ELMOD2: variants seen among roughly 807,000 people sequenced by gnomAD.
The protein encoded by ELMOD2 is ELMO domain containing 2, also known as ELMO domain-containing protein 2.
ELMOD2 carries 28 observed loss-of-function variants against 41.0 expected under a neutral mutation model. The ratio of observed to expected loss-of-function variants is 0.68; its 90% CI spans 0.51 to 0.94. The LOEUF (loss-of-function observed/expected upper bound fraction) is 0.94. Ranked by LOEUF, ELMOD2 falls within the 40% of genes least tolerant of loss-of-function variation. The pLI is 0.00. For missense variants in ELMOD2, 333 were observed against 343.1 expected (o/e 0.97, Z 0.23); for synonymous variants, 106 against 107.2 (o/e 0.99, Z 0.07).
chr4:140,531,466 C>T (rs1296463823), intron 3 of ELMOD2, among the ~76,000 whole-genome samples: 1 of 152,176 alleles, frequency 6.6e-6, no homozygotes, highest in Non-Finnish European at 1.5e-5. Flanking sequence ...AGCAAAGCTC[C>T]ACTGTACTTA....
intron 3 of ELMOD2, 133 bp downstream of exon 3, chr4:140,527,627 A>G: frequency 1.5e-6 from 1 of 681,832 alleles, no homozygotes; most frequent in Non-Finnish European, 2.4e-6. Flanking sequence ...GTTTAGAGGT[A>G]ATATTCTGTT....
Position 140,552,472 on chromosome 4 carries a change from C to G in ELMOD2, c.*2097C>G, listed in dbSNP as rs1375898348. The stretch of plus-strand genomic sequence containing the variant: ...TTGATCTAAAAGCCACTAATAAATT[C>G]TAGGGTTTGAGTCTAGAAGCCAAGC... On this transcript the variant is annotated 3_prime_UTR_variant, in exon 9 of 9. Transcript: ENST00000323570. 1 of 151,952 alleles carries G rather than the reference C, an allele frequency of 6.6e-6. No individual in the cohort carries two copies. The highest frequency in any genetic ancestry group is 2.4e-5 in the African/African-American group (1 of 41,394). 9.4% of individuals were successfully genotyped at this position (151,952 alleles called of 1,614,324 possible).
At chr4:140,525,227 G>A in intron 1 of ELMOD2, 193 bp from the exon 2 acceptor site, 1 of 463,222 alleles carries the variant, frequency 2.2e-6, no homozygotes, top group Non-Finnish European at 3.7e-6. Flanking sequence ...TGATTAATTG[G>A]CCATTTGATC....
intron 2 of ELMOD2, chr4:140,526,905 G>A (rs1035832859): frequency 2.0e-5 from 3 of 152,210 alleles, no homozygotes; most frequent in South Asian, 2.1e-4. Flanking sequence ...AAGATTATTC[G>A]TAAATGTGCC....
rs549990477 is a variant in ELMOD2, at chr4:140,537,309, AAGCC to A, written c.270-100_270-97del. ...TTTGGTGGGTCTTATATTAAACTGA[AAGCC>A]AGGAAATGCTTTCTAAATAGACATA... On this transcript the variant is annotated intron_variant, in intron 4 of 8. Coordinates refer to ENST00000323570, the MANE Select transcript of ELMOD2 (RefSeq NM_153702.4). The A allele has an allele frequency of 2.6e-3, 2,829 of 1,076,250 alleles. 6 individuals carry two copies. Among genetic ancestry groups the A allele is most frequent in the Non-Finnish European group, 3.3e-3 (2,671 of 807,306 alleles). 66.7% of individuals were successfully genotyped at this position (1,076,250 alleles called of 1,614,324 possible).
At chr4:140,543,755 C>G (rs182554775) in intron 8 of ELMOD2, among the ~76,000 whole-genome samples, 169 bp downstream of exon 8, 1 of 151,908 alleles carries the variant, frequency 6.6e-6, no homozygotes, top group Non-Finnish European at 1.5e-5. Flanking sequence ...AGATGGGTCC[C>G]CAAGAGTATT....
At chr4:140,525,195 T>C (rs1323286765) in intron 1 of ELMOD2, 5 of 408,298 alleles carry the variant, frequency 1.2e-5, no homozygotes, top group Admixed American at 4.3e-5. Context: ...AGTACATTGT[T>C]TGAATTTTAG....
At chr4:140,527,792 C>G (rs1289044284) in intron 3 of ELMOD2, 2 of 320,542 alleles carry the variant, frequency 6.2e-6, no homozygotes, top group African/African-American at 2.2e-5. Context: ...GTCTTTTAGA[C>G]TGTGTCCTCA....
chr4:140,539,297 A>G (rs957180445), intron 5 of ELMOD2, among the ~76,000 whole-genome samples: 2 of 151,762 alleles, frequency 1.3e-5, no homozygotes, highest in African/African-American at 4.8e-5. Context: ...GAATTTAAAC[A>G]ATAAATTTTC....
intron 2 of ELMOD2, chr4:140,526,855 G>T (rs1407912636): frequency 6.6e-6 from 1 of 152,316 alleles, no homozygotes; most frequent in Non-Finnish European, 1.5e-5. Context: ...ATTTGTTTGT[G>T]GCAAAAGCAT....
At chr4:140,535,867 T>C in intron 4 of ELMOD2, 37 bp downstream of exon 4, 3 of 1,561,868 alleles carry the variant, frequency 1.9e-6, no homozygotes, top group Non-Finnish European at 8.7e-7. Flanking sequence ...TTATTATGCA[T>C]TTATAGCCTG....
chr4:140,542,265 A>T (rs1735129325), intron 6 of ELMOD2, among the ~76,000 whole-genome samples: 1 of 151,738 alleles, frequency 6.6e-6, no homozygotes, highest in South Asian at 2.1e-4. Context: ...ATAGAAATAG[A>T]ACCAGCAAAG....
Position 140,551,305 on chromosome 4 carries a change from T to TA in ELMOD2, c.*937dup, listed in dbSNP as rs929444547. ...TTGAAACTTAAGAAAGCTTAAGTTTTAAAAAAATCTCAGTTAAACATCATT... is the reference window on the plus strand; with the variant it reads ...TTGAAACTTAAGAAAGCTTAAGTTTTAAAAAAAATCTCAGTTAAACATCATT... On this transcript the variant is annotated 3_prime_UTR_variant, in exon 9 of 9. Transcript: ENST00000323570. 3.9e-5 allele frequency: 6 copies of TA among 152,090 alleles called. No individual in the cohort carries two copies. The highest frequency in any genetic ancestry group is 2.0e-4 in the Admixed American group (3 of 15,258). The allele number at this position is 152,090 out of a possible 1,614,324, so 9.4% of individuals were successfully genotyped here. A position where few individuals can be genotyped will look rare whatever the true frequency, so the allele number is the denominator to read the frequency against.
Position 140,525,455 on chromosome 4 carries a change from C to T in ELMOD2, c.27C>T (p.Phe9=). MFISLWEF[F]YGHFFRFWMK... is the part of the protein sequence containing the mutation. The stretch of plus-strand genomic sequence containing the variant: ...TGTTTATTTCTTTGTGGGAGTTCTT[C>T]TATGGGCACTTTTTTCGATTTTGGA... The change falls in exon 2 of 9, where the codon TTC becomes TTT. Residue 9 remains phenylalanine, a synonymous_variant. Coordinates refer to ENST00000323570, the MANE Select transcript of ELMOD2 (RefSeq NM_153702.4). 1 of 1,613,674 alleles carries T rather than the reference C, an allele frequency of 6.2e-7. No homozygotes were observed. Among genetic ancestry groups the T allele is most frequent in the Non-Finnish European group, 8.5e-7 (1 of 1,179,830 alleles).
chr4:140,550,243 T>G lies in ELMOD2; in HGVS notation c.750T>G (p.Tyr250Ter). Residue 250 changes from tyrosine (Y) to a stop codon, truncating the protein, a stop_gained, in exon 9 of 9, where the codon TAT (tyrosine) becomes TAG (stop). Coordinates refer to ENST00000323570, the MANE Select transcript of ELMOD2 (RefSeq NM_153702.4). LOFTEE classifies it high-confidence loss of function. Reference protein sequence around the residue: ...HFHQFYCYLVYEFDKFWFEEE... With the variant: ...HFHQFYCYLV ...CTTTAACTGCAGGTTATCTTGTCTA[T>G]GAATTTGACAAGTTTTGGTTTGAAG... The G allele has an allele frequency of 6.2e-7, 1 of 1,609,578 alleles. No individual in the cohort carries two copies. Among genetic ancestry groups the G allele is most frequent in the Non-Finnish European group, 8.5e-7 (1 of 1,177,680 alleles).
At chr4:140,529,477 G>T (rs1432812745) in intron 3 of ELMOD2, among the ~76,000 whole-genome samples, 1 of 152,142 alleles carries the variant, frequency 6.6e-6, no homozygotes, top group Non-Finnish European at 1.5e-5. Context: ...TTTTTCAGTA[G>T]TGTGTTCCTC....
chr4:140,550,287 T>C lies in ELMOD2; in HGVS notation c.794T>C (p.Met265Thr). 1.9e-6 allele frequency: 3 copies of C among 1,611,890 alleles called. No homozygotes were observed. The highest frequency in any genetic ancestry group is 2.5e-6 in the Non-Finnish European group (3 of 1,178,782). Reference protein sequence around the residue: ...FWFEEEPESIMYFNLYREKFH... With the variant: ...FWFEEEPESITYFNLYREKFH... ...TTTGAAGAAGAACCAGAAAGCATTA[T>C]GTATTTCAATTTGTATAGAGAGAAG... Residue 265 changes from methionine to threonine, a missense_variant, in exon 9 of 9, where the codon ATG becomes ACG. Met to Thr is a moderately conservative substitution (Grantham distance 81). Transcript: ENST00000323570.
intron 7 of ELMOD2, 125 bp downstream of exon 7, chr4:140,542,767 G>A (rs573532089): frequency 1.6e-6 from 1 of 636,776 alleles, no homozygotes; most frequent in East Asian, 3.0e-5. Context: ...CTTTTTAAAG[G>A]ATATTACATG....
At chr4:140,534,879 A>C (rs370220361) in intron 3 of ELMOD2, among the ~76,000 whole-genome samples, 1 of 152,302 alleles carries the variant, frequency 6.6e-6, no homozygotes, top group African/African-American at 2.4e-5. Context: ...AGGAAGTGAC[A>C]TTGAACTGGA....
Sources: gnomAD v4.1 joint callset for allele counts (sites outside exome capture counted in the v4.1 genomes callset) on GRCh38, gnomAD v4.1.1 for gene constraint, MANE v1.5 for transcripts, NCBI Gene and HGNC (gene_info 2026-07-23, HGNC 2026-07-21) for gene names.